Variants in HSD17B12 observed in about 807,000 individuals in gnomAD.
HSD17B12 encodes the protein hydroxysteroid 17-beta dehydrogenase 12, also known as very-long-chain 3-oxoacyl-CoA reductase.
Under a neutral mutation model 39.3 loss-of-function variants are expected in HSD17B12, and 32 were observed. That is an observed-to-expected ratio of 0.81 (90% CI 0.61 to 1.09). HSD17B12 has a LOEUF of 1.09. HSD17B12 is among the 50% of genes least tolerant of loss of function. HSD17B12 has a pLI of 0.00. For missense variants in HSD17B12, 342 were observed against 382.9 expected, an observed-to-expected ratio of 0.89 and a Z score of 0.89; for synonymous variants, 150 against 146.7, an observed-to-expected ratio of 1.02 and a Z score of -0.16.
chr11:43,593,883 A>C, the HSD17B12 span, among the ~76,000 whole-genome samples: 1 of 152,162 alleles, frequency 6.6e-6, no homozygotes. Flanking sequence ...TATAAATATC[A>C]CATGAATTTC....
At chr11:43,711,406 T>G (rs937176930) in intron 1 of HSD17B12, among the ~76,000 whole-genome samples, 12 of 152,084 alleles carry the variant, frequency 7.9e-5, no homozygotes, top group Non-Finnish European at 1.8e-4. Context: ...AATGTATGCT[T>G]CTTATATTTT....
At chr11:43,759,103 G>A (rs1950535918) in intron 3 of HSD17B12, among the ~76,000 whole-genome samples, 1 of 152,126 alleles carries the variant, frequency 6.6e-6, no homozygotes, top group Non-Finnish European at 1.5e-5. Flanking sequence ...TGAACTCATC[G>A]TTCTTACTTC....
intron 1 of HSD17B12, among the ~76,000 whole-genome samples, chr11:43,715,425 G>A (rs1269630410): frequency 7.9e-5 from 12 of 152,072 alleles, no homozygotes; most frequent in Admixed American, 1.3e-4. Context: ...GCTGGATTAC[G>A]TTTATTGATT....
At chr11:43,702,138 A>G (rs1949970628) in intron 1 of HSD17B12, among the ~76,000 whole-genome samples, 1 of 152,216 alleles carries the variant, frequency 6.6e-6, no homozygotes, top group African/African-American at 2.4e-5. Flanking sequence ...CACTGTTGGC[A>G]TATAGAAATG....
At chr11:43,724,568 G>A (rs1297808159) in intron 1 of HSD17B12, among the ~76,000 whole-genome samples, 1 of 152,082 alleles carries the variant, frequency 6.6e-6, no homozygotes, top group Non-Finnish European at 1.5e-5. Context: ...TTTGGTATAT[G>A]GTGAGGGACT....
At position 43,704,496 on chromosome 11, in the gene HSD17B12, G is replaced by A. The variant is rs541776457; in HGVS notation, c.160+23509G>A. ...CCACATGGTCTCCTCAGTACAGGGTGACTGCAACACTTGGGGAAGATGTGG... is the reference window on the plus strand; with the variant it reads ...CCACATGGTCTCCTCAGTACAGGGTAACTGCAACACTTGGGGAAGATGTGG... On this transcript the variant is annotated intron_variant, in intron 1 of 10. Transcript: ENST00000278353. Among the ~76,000 whole-genome samples the A allele has an allele frequency of 3.9e-5, 6 of 152,332 alleles. No individual in the cohort carries two copies. In the East Asian group the frequency reaches 1.2e-3, roughly 29 times the overall value.
intron 1 of HSD17B12, among the ~76,000 whole-genome samples, chr11:43,685,841 T>C (rs1185448251): frequency 2.0e-5 from 3 of 152,258 alleles, no homozygotes; most frequent in Non-Finnish European, 1.5e-5. Context: ...ATTTTTGTTT[T>C]ATTTTTAAGA....
intron 9 of HSD17B12, among the ~76,000 whole-genome samples, chr11:43,846,276 A>G (rs1284476046): frequency 6.6e-6 from 1 of 152,262 alleles, no homozygotes; most frequent in Non-Finnish European, 1.5e-5. Flanking sequence ...TATTCATTGG[A>G]TATCTACAAT....
At chr11:43,746,644 G>A (rs1345971702) in intron 1 of HSD17B12, among the ~76,000 whole-genome samples, 1 of 152,148 alleles carries the variant, frequency 6.6e-6, no homozygotes, top group Non-Finnish European at 1.5e-5. Flanking sequence ...ATGTGAAAAA[G>A]TATAGTATTA....
At chr11:43,839,400 C>T (rs1451650817) in intron 8 of HSD17B12, among the ~76,000 whole-genome samples, 6 of 152,096 alleles carry the variant, frequency 3.9e-5, no homozygotes, top group Non-Finnish European at 8.8e-5. Flanking sequence ...CTAATTAGGA[C>T]CCTTGAAAAG....
chr11:43,568,092 T>TTTTA, the HSD17B12 span, among the ~76,000 whole-genome samples: 635 of 152,132 alleles, frequency 4.2e-3, 7 homozygotes, highest in African/African-American at 0.014. Flanking sequence ...ATTCTTTTAA[T>TTTTA]TTTATTTATT....
At chr11:43,827,483 G>A (rs1278150955) in intron 6 of HSD17B12, among the ~76,000 whole-genome samples, 1 of 152,144 alleles carries the variant, frequency 6.6e-6, no homozygotes, top group Non-Finnish European at 1.5e-5. Flanking sequence ...GACGCTACAG[G>A]AGTAAAACAG....
intron 3 of HSD17B12, among the ~76,000 whole-genome samples, chr11:43,795,414 T>C (rs1422739519): frequency 1.3e-5 from 2 of 152,210 alleles, no homozygotes; most frequent in African/African-American, 4.8e-5. Flanking sequence ...TCCTGTCCTA[T>C]TCTTATATAT....
At chr11:43,799,028 A>G (rs941334487) in intron 4 of HSD17B12, among the ~76,000 whole-genome samples, 4 of 152,126 alleles carry the variant, frequency 2.6e-5, no homozygotes, top group Non-Finnish European at 5.9e-5. Context: ...TGGTAGTTAT[A>G]TTGTAATAAT....
intron 7 of HSD17B12, among the ~76,000 whole-genome samples, chr11:43,836,637 T>C (rs558990870): frequency 2.0e-5 from 3 of 152,054 alleles, no homozygotes; most frequent in Non-Finnish European, 2.9e-5. Context: ...ACATTATCAA[T>C]ACCCCAAAAA....
the HSD17B12 span, among the ~76,000 whole-genome samples, chr11:43,674,047 A>G: frequency 6.6e-6 from 1 of 152,204 alleles, no homozygotes; most frequent in Non-Finnish European, 1.5e-5. Context: ...TGGAATTTGA[A>G]TGCATAATAA....
chr11:43,561,105 A>ACCCATC, the HSD17B12 span, among the ~76,000 whole-genome samples: 1 of 152,190 alleles, frequency 6.6e-6, no homozygotes. Context: ...CAGATGAAGC[A>ACCCATC]TGGGTTCCAA....
At chr11:43,694,668 A>G (rs1169465281) in intron 1 of HSD17B12, among the ~76,000 whole-genome samples, 1 of 152,138 alleles carries the variant, frequency 6.6e-6, no homozygotes, top group Non-Finnish European at 1.5e-5. Flanking sequence ...AGCCTGGGTA[A>G]CAGAGCATGA....
chr11:43,712,298 G>T (rs1950074810), intron 1 of HSD17B12, among the ~76,000 whole-genome samples: 1 of 152,000 alleles, frequency 6.6e-6, no homozygotes, highest in Admixed American at 6.6e-5. Context: ...ATGGTGGCAT[G>T]TGCCTGTAGT....
Sources: allele counts gnomAD v4.1 joint callset (sites outside exome capture counted in the v4.1 genomes callset), GRCh38; gene constraint gnomAD v4.1.1; transcripts MANE v1.5; gene names NCBI Gene and HGNC (gene_info 2026-07-23, HGNC 2026-07-21).